The following PTPRO variants were observed in gnomAD, a reference collection of about 807,000 sequenced individuals.
The protein encoded by PTPRO is receptor-type tyrosine-protein phosphatase O.
A neutral mutation model predicts 145.2 loss-of-function variants in PTPRO; 62 were observed. The observed-to-expected ratio is 0.43, with a 90% CI of 0.35 to 0.53. The LOEUF is 0.53. PTPRO is among the 20% of genes least tolerant of loss of function. The pLI, the probability that PTPRO is intolerant of heterozygous loss-of-function variation, is 0.01. For missense variants in PTPRO, 1,345 were observed against 1,482.7 expected (o/e 0.91, Z 1.53); for synonymous variants, 565 against 514.7 (o/e 1.10, Z -1.32).
intron 16 of PTPRO, among the ~76,000 whole-genome samples, chr12:15,559,314 T>G (rs1943715895): frequency 6.6e-6 from 1 of 152,208 alleles, no homozygotes; most frequent in Non-Finnish European, 1.5e-5. Context: ...TCTAGCTGAC[T>G]GAGAATAGAT....
intron 15 of PTPRO, among the ~76,000 whole-genome samples, chr12:15,553,824 C>G (rs1943540263): frequency 2.0e-5 from 3 of 152,056 alleles, no homozygotes; most frequent in South Asian, 4.2e-4. Flanking sequence ...TCCAGAGCAG[C>G]AACACTGAAG....
chr12:15,434,400 G>C (rs2136346912), intron 1 of PTPRO, among the ~76,000 whole-genome samples: 1 of 152,194 alleles, frequency 6.6e-6, no homozygotes, highest in South Asian at 2.1e-4. Flanking sequence ...TATAAGTAAA[G>C]GTAAAGACTA....
Position 15,388,892 on chromosome 12 carries a change from C to T in PTPRO, c.75+66091C>T, listed in dbSNP as rs115191965. ...TATCTGGTTTTTTTTAAATGAAATC[C>T]GCATAAAGTGTTCATTTTTTCTCCA... On this transcript the variant is annotated intron_variant, in intron 1 of 26. Transcript: ENST00000281171. Among the ~76,000 whole-genome samples the T allele has an allele frequency of 4.2e-3, 643 of 151,554 alleles. 5 individuals carry two copies. The highest frequency in any genetic ancestry group is 0.015 in the African/African-American group (623 of 41,308).
At chr12:15,324,819 A>C (rs1866400799) in intron 1 of PTPRO, among the ~76,000 whole-genome samples, 1 of 151,888 alleles carries the variant, frequency 6.6e-6, no homozygotes, top group African/African-American at 2.4e-5. Context: ...AGAGTTGTTC[A>C]AAAAAAATGG....
At chr12:15,455,541 G>C (rs191852817) in intron 1 of PTPRO, among the ~76,000 whole-genome samples, 1 of 152,018 alleles carries the variant, frequency 6.6e-6, no homozygotes, top group South Asian at 2.1e-4. Flanking sequence ...ATGTTTTGTG[G>C]TTTTTAGTAC....
In PTPRO at chr12:15,501,780, TC is replaced by T; in HGVS notation, c.825del (p.Ser276ArgfsTer70). 6.2e-7 allele frequency: 1 copy of T among 1,613,976 alleles called. No homozygotes were observed. Among genetic ancestry groups the T allele is most frequent in the Non-Finnish European group, 8.5e-7 (1 of 1,179,994 alleles). On this transcript the variant is annotated frameshift_variant, in exon 5 of 27. Coordinates refer to ENST00000281171, the MANE Select transcript of PTPRO (RefSeq NM_030667.3). LOFTEE classifies it high-confidence loss of function. ...FHFTEETPEI[P>X]SGNISSGWPD... is the part of the protein sequence containing the mutation. ...ATTTTACAGAAGAAACCCCTGAAAT[TC>T]CCTCGGGCAACATTTCTTCCGGTTG...
intron 15 of PTPRO, among the ~76,000 whole-genome samples, chr12:15,552,040 T>C (rs1943475979): frequency 8.6e-6 from 1 of 116,126 alleles, no homozygotes; most frequent in Non-Finnish European, 1.6e-5. Context: ...AAAATGGAGA[T>C]GACAAGAAAG....
intron 1 of PTPRO, among the ~76,000 whole-genome samples, chr12:15,441,027 A>G (rs879293380): frequency 2.0e-5 from 3 of 152,254 alleles, no homozygotes; most frequent in Non-Finnish European, 4.4e-5. Context: ...ATGAAGGTCT[A>G]GAAAACACTC....
chr12:15,364,576 A>C (rs1043031637), intron 1 of PTPRO, among the ~76,000 whole-genome samples: 2 of 152,146 alleles, frequency 1.3e-5, no homozygotes, highest in African/African-American at 4.8e-5. Flanking sequence ...GTATTAGTAA[A>C]GATGTGCATT....
Position 15,508,753 on chromosome 12 carries a change from C to A in PTPRO, c.1450C>A (p.Gln484Lys). The A allele has an allele frequency of 6.2e-7, 1 of 1,614,020 alleles. No homozygotes were observed. The highest frequency in any genetic ancestry group is 2.2e-5 in the East Asian group (1 of 44,830). ...KQKESQRLEKQYCTQVNSSKP... is the reference protein window; with the variant it reads ...KQKESQRLEKKYCTQVNSSKP... ...AAAGGAGAGCCAGAGGCTTGAAAAG[C>A]AGTACTGCACTCAGGTAAAGGAGAG... Residue 484 changes from glutamine to lysine, a missense_variant, in exon 7 of 27, where the codon CAG (glutamine) becomes AAG (lysine). Gln to Lys is a moderately conservative substitution (Grantham distance 53, BLOSUM62 1). Around this residue, in one of 3 missense-constraint regions of PTPRO, gnomAD observed 1,130 missense variants for 1,214.7 expected, o/e 0.93. Transcript: ENST00000281171.
chr12:15,444,917 C>T (rs542056466), intron 1 of PTPRO, among the ~76,000 whole-genome samples: 13 of 152,230 alleles, frequency 8.5e-5, no homozygotes, highest in Non-Finnish European at 1.8e-4. Flanking sequence ...ATTCCACAGA[C>T]CAGTCTTTGA....
At position 15,322,926 on chromosome 12, in the gene PTPRO, C is replaced by A; in HGVS notation, c.75+125C>A. The A allele has an allele frequency of 1.1e-6, 1 of 910,704 alleles. No individual in the cohort carries two copies. Among genetic ancestry groups the A allele is most frequent in the Non-Finnish European group, 1.7e-6 (1 of 604,956 alleles). The allele number at this position is 910,704 out of a possible 1,614,324, so 56.4% of individuals were successfully genotyped here. A position where few individuals can be genotyped will look rare whatever the true frequency, so the allele number is the denominator to read the frequency against. ...ATGGCCCAGCCGCGGGAAGCGCCTG[C>A]CGTGCAGCCTGGGCGCACGCTTTGT... On this transcript the variant is annotated intron_variant, in intron 1 of 26. Coordinates refer to ENST00000281171, the MANE Select transcript of PTPRO (RefSeq NM_030667.3). The surrounding 1 kb of genome is among the most constrained non-coding windows in gnomAD (Gnocchi z 6.3).
chr12:15,379,444 C>G (rs145909959), intron 1 of PTPRO, among the ~76,000 whole-genome samples: 3,139 of 144,700 alleles, frequency 0.022, 120 homozygotes, highest in African/African-American at 0.076. Flanking sequence ...AGCAGGAGAA[C>G]GGCTTGAACA....
intron 1 of PTPRO, among the ~76,000 whole-genome samples, chr12:15,424,674 G>A (rs1940235477): frequency 6.6e-6 from 1 of 151,924 alleles, no homozygotes; most frequent in Admixed American, 6.6e-5. Flanking sequence ...GGTTATGAAG[G>A]TATCCCAGAA....
intron 1 of PTPRO, among the ~76,000 whole-genome samples, chr12:15,325,421 G>A (rs1394433471): frequency 1.3e-5 from 2 of 152,122 alleles, no homozygotes; most frequent in African/African-American, 4.8e-5. Context: ...ACATATAATC[G>A]GGCATCTCAG....
At chr12:15,466,777 C>A (rs1220595845) in intron 1 of PTPRO, among the ~76,000 whole-genome samples, 2 of 152,094 alleles carry the variant, frequency 1.3e-5, no homozygotes, top group Non-Finnish European at 2.9e-5. Context: ...GTCTTTAAAT[C>A]ACTACTGTTT....
chr12:15,492,786 C>T (rs981311059), intron 2 of PTPRO, among the ~76,000 whole-genome samples: 1 of 152,036 alleles, frequency 6.6e-6, no homozygotes, highest in East Asian at 1.9e-4. Context: ...TGCAATTTGC[C>T]TCATAATATA....
chr12:15,399,313 G>A (rs1939426412), intron 1 of PTPRO, among the ~76,000 whole-genome samples: 1 of 152,174 alleles, frequency 6.6e-6, no homozygotes, highest in Admixed American at 6.5e-5. Flanking sequence ...AAAACCCTAA[G>A]AGGTATGTAC....
chr12:15,418,610 C>T (rs542936360), intron 1 of PTPRO, among the ~76,000 whole-genome samples: 2 of 151,788 alleles, frequency 1.3e-5, no homozygotes, highest in African/African-American at 4.9e-5. Context: ...CCCACATCAG[C>T]ATCATAGAGA....
Sources: allele counts gnomAD v4.1 joint callset (sites outside exome capture counted in the v4.1 genomes callset), GRCh38; gene constraint gnomAD v4.1.1; regional missense constraint gnomAD v4.1.1; non-coding constraint Gnocchi (gnomAD v3.1); transcripts MANE v1.5; gene names NCBI Gene and HGNC (gene_info 2026-07-23, HGNC 2026-07-21).